Variants in RANBP2 observed in about 807,000 individuals in gnomAD.
RANBP2 encodes E3 SUMO-protein ligase RanBP2.
Under a neutral mutation model 303.6 loss-of-function variants are expected in RANBP2, and 57 were observed. The observed-to-expected ratio is 0.19, with a 90% CI of 0.15 to 0.23. RANBP2 has a LOEUF of 0.23. Ranked by LOEUF, RANBP2 falls within the 10% of genes least tolerant of loss-of-function variation. RANBP2 has a pLI of 1.00. For missense variants in RANBP2, 3,138 were observed against 3,780.8 expected, an observed-to-expected ratio of 0.83 and a Z score of 4.46; for synonymous variants, 1,167 against 1,301.5, an observed-to-expected ratio of 0.90 and a Z score of 2.23.
chr2:108,898,773 A>G, the RANBP2 span, among the ~76,000 whole-genome samples: 739 of 152,360 alleles, frequency 4.9e-3, 7 homozygotes, highest in South Asian at 0.023. Context: ...TTAGAACTAC[A>G]AAAGTACAAT....
At chr2:109,106,831 C>T in the RANBP2 span, among the ~76,000 whole-genome samples, 6 of 151,858 alleles carry the variant, frequency 4.0e-5, no homozygotes, top group African/African-American at 7.2e-5. Context: ...AGCAAGACTC[C>T]GCCTCAGAAG....
chr2:108,917,343 A>G, the RANBP2 span, among the ~76,000 whole-genome samples: 1 of 152,148 alleles, frequency 6.6e-6, no homozygotes, highest in South Asian at 2.1e-4. Context: ...GAGCTCTGGC[A>G]CGCTGCAGGG....
At chr2:108,818,477 C>T in the RANBP2 span, among the ~76,000 whole-genome samples, 1 of 152,042 alleles carries the variant, frequency 6.6e-6, no homozygotes, top group South Asian at 2.1e-4. Flanking sequence ...AGCCTAGATC[C>T]TTTCAGTTAA....
At chr2:109,501,737 G>C in the RANBP2 span, 8 of 693,320 alleles carry the variant, frequency 1.2e-5, no homozygotes, top group South Asian at 6.1e-5. Flanking sequence ...ACGGCACACA[G>C]AGAGGGAGCC....
the RANBP2 span, chr2:108,912,855 A>G: frequency 9.1e-7 from 1 of 1,100,652 alleles, no homozygotes; most frequent in Non-Finnish European, 1.3e-6. Context: ...ATTCATGATC[A>G]TGAATGGGCC....
chr2:109,771,449 C>T, the RANBP2 span, among the ~76,000 whole-genome samples: 639 of 105,604 alleles, frequency 6.1e-3, 150 homozygotes, highest in Middle Eastern at 0.014. Context: ...CTAAATTTTT[C>T]GCAGAAGCAT....
the RANBP2 span, among the ~76,000 whole-genome samples, chr2:109,655,446 T>C: frequency 3.3e-5 from 5 of 152,152 alleles, no homozygotes; most frequent in East Asian, 1.9e-4. Context: ...TTTGGAGCCA[T>C]GGATGAGCTG....
chr2:109,625,026 A>G, the RANBP2 span, among the ~76,000 whole-genome samples: 3 of 142,354 alleles, frequency 2.1e-5, no homozygotes, highest in African/African-American at 7.7e-5. Context: ...GCTTTTAGTG[A>G]GTGGAGATGG....
chr2:108,822,581 CAA>C, the RANBP2 span, among the ~76,000 whole-genome samples: 1 of 152,120 alleles, frequency 6.6e-6, no homozygotes, highest in African/African-American at 2.4e-5. Flanking sequence ...AATAAATTTT[CAA>C]AGATTGACAT....
the RANBP2 span, among the ~76,000 whole-genome samples, chr2:109,657,967 G>A: frequency 6.6e-6 from 1 of 151,754 alleles, no homozygotes; most frequent in Admixed American, 6.6e-5. Context: ...TGATCTGCCT[G>A]CCTCAGCATC....
chr2:108,805,755 A>G, the RANBP2 span, among the ~76,000 whole-genome samples: 2 of 152,238 alleles, frequency 1.3e-5, no homozygotes, highest in South Asian at 2.1e-4. Context: ...TTAGATTAAT[A>G]TATAATACCA....
At chr2:108,920,393 C>T in the RANBP2 span, among the ~76,000 whole-genome samples, 3 of 152,318 alleles carry the variant, frequency 2.0e-5, no homozygotes, top group South Asian at 4.1e-4. Context: ...GACCTCCCTG[C>T]CCCCACTGTC....
In RANBP2 at chr2:108,762,106, A is replaced by G. The variant is rs767232631; in HGVS notation, c.2608A>G (p.Thr870Ala). Residue 870 changes from threonine (T) to alanine (A), a missense_variant, in exon 19 of 29, where the codon ACT becomes GCT. Physicochemically the swap from Thr to Ala is moderately conservative, Grantham distance 58. Around this residue, in one of 20 missense-constraint regions of RANBP2, gnomAD observed 26 missense variants for 58.0 expected, o/e 0.45. Transcript: ENST00000283195. Reference protein sequence around the residue: ...TFHGAPLTVATTGPSVYYSQS... With the variant: ...TFHGAPLTVAATGPSVYYSQS... ...TTTTCTTTTTGTTTTTTTAGTTGCA[A>G]CTACTGGCCCTTCAGTATATTATAG... 1 of 1,596,428 alleles carries G rather than the reference A, an allele frequency of 6.3e-7. No homozygotes were observed. The highest frequency in any genetic ancestry group is 1.1e-5 in the South Asian group (1 of 90,906).
chr2:109,699,290 T>C, the RANBP2 span, among the ~76,000 whole-genome samples: 1 of 152,154 alleles, frequency 6.6e-6, no homozygotes, highest in Non-Finnish European at 1.5e-5. Context: ...CTCTGTGTAT[T>C]CTAGTTGTCT....
chr2:109,287,701 A>G, the RANBP2 span, among the ~76,000 whole-genome samples: 1 of 152,152 alleles, frequency 6.6e-6, no homozygotes, highest in Non-Finnish European at 1.5e-5. Flanking sequence ...CAGAGGCCTC[A>G]GATCTCATCA....
chr2:109,521,001 G>A, the RANBP2 span, among the ~76,000 whole-genome samples: 30 of 151,068 alleles, frequency 2.0e-4, no homozygotes, highest in African/African-American at 5.8e-4. Context: ...AGGCCGAGGC[G>A]GGCAGATCAC....
chr2:108,998,593 C>A, the RANBP2 span, among the ~76,000 whole-genome samples: 1 of 152,188 alleles, frequency 6.6e-6, no homozygotes, highest in South Asian at 2.1e-4. Flanking sequence ...TTCTGACTTT[C>A]TCTTCCTCAA....
At chr2:109,239,628 CAG>C in the RANBP2 span, among the ~76,000 whole-genome samples, 1 of 152,050 alleles carries the variant, frequency 6.6e-6, no homozygotes, top group Non-Finnish European at 1.5e-5. Context: ...TCCAGGATAA[CAG>C]GGAGGAAAGA....
the RANBP2 span, among the ~76,000 whole-genome samples, chr2:109,258,817 G>A: frequency 6.6e-6 from 1 of 152,240 alleles, no homozygotes. Flanking sequence ...GGTCAGAGCA[G>A]GACCCATCCA....
Sources: allele counts gnomAD v4.1 joint callset (sites outside exome capture counted in the v4.1 genomes callset), GRCh38; gene constraint gnomAD v4.1.1; regional missense constraint gnomAD v4.1.1; transcripts MANE v1.5; gene names NCBI Gene and HGNC (gene_info 2026-07-23, HGNC 2026-07-21).